The following FGF13 variants were observed in gnomAD, a reference collection of about 807,000 sequenced individuals.
The protein encoded by FGF13 is fibroblast growth factor homologous factor 2.
FGF13 carries 2 observed loss-of-function variants against 19.5 expected under a neutral mutation model. The observed-to-expected ratio is 0.10, with a 90% CI of 0.04 to 0.32. The LOEUF is 0.32. Among genes scored for constraint, FGF13 ranks in the 10% least tolerant of loss-of-function variants. The probability of loss-of-function intolerance (pLI) is 1.00; values close to 1 mark genes in which losing one functional copy is unlikely to be tolerated. For synonymous variants in FGF13, 72 were observed against 76.9 expected (o/e 0.94, Z 0.33); for missense variants, 113 against 192.7 (o/e 0.59, Z 2.45).
chrX:138,740,317 G>A (rs925427254), upstream of FGF13, among the ~76,000 whole-genome samples: 5 of 111,413 alleles, frequency 4.5e-5, no homozygotes, highest in Non-Finnish European at 7.5e-5. Flanking sequence ...CAACACCCAC[G>A]AGGAGCTATA....
intron 3 of FGF13, among the ~76,000 whole-genome samples, chrX:138,836,007 G>A (rs1215008744): frequency 9.0e-6 from 1 of 110,820 alleles, no homozygotes; most frequent in Non-Finnish European, 1.9e-5. Flanking sequence ...GTTGAATATT[G>A]GCCCCCAATG....
intron 1 of FGF13, among the ~76,000 whole-genome samples, chrX:138,718,839 C>T (rs1330215113): frequency 1.8e-5 from 2 of 111,873 alleles, no homozygotes; most frequent in African/African-American, 6.5e-5. Context: ...TTGTTTTTCC[C>T]AAAACTGGGG....
intron 1 of FGF13, among the ~76,000 whole-genome samples, chrX:139,035,590 G>A (rs182561418): frequency 7.2e-5 from 8 of 111,230 alleles, no homozygotes; most frequent in Middle Eastern, 9.3e-3. Flanking sequence ...TTCCTTTCAC[G>A]GGTTCTTCTA....
chrX:139,184,786 A>T (rs1401992359), intron 1 of FGF13, among the ~76,000 whole-genome samples: 1 of 112,506 alleles, frequency 8.9e-6, no homozygotes, highest in Non-Finnish European at 1.9e-5. Flanking sequence ...ATGTTAAATG[A>T]AAAATCTTTA....
At chrX:138,861,934 C>T (rs182684531) in intron 2 of FGF13, among the ~76,000 whole-genome samples, 2 of 111,694 alleles carry the variant, frequency 1.8e-5, no homozygotes, top group East Asian at 2.8e-4. Context: ...ACCCAGGAGG[C>T]GAAGGTTGCA....
chrX:139,062,170 T>C (rs1160215893), intron 1 of FGF13, among the ~76,000 whole-genome samples: 1 of 111,546 alleles, frequency 9.0e-6, no homozygotes, highest in Non-Finnish European at 1.9e-5. Context: ...TCCCCCATGT[T>C]TTCCTCTAGT....
rs73634010 is a variant in FGF13 at position 139,192,436 on chromosome X, T to A, written c.-113+10980A>T. ...CACCTGCTTACAAGTCAGATTACCATCTCTTTTCCTAAAATTCTAATTCAG... is the reference window on the plus strand; with the variant it reads ...CACCTGCTTACAAGTCAGATTACCAACTCTTTTCCTAAAATTCTAATTCAG... On this transcript the variant is annotated intron_variant, in intron 1 of 2. Coordinates refer to the FGF13 transcript ENST00000421460. Among the ~76,000 whole-genome samples, 352 of 111,817 alleles carry A rather than the reference T, an allele frequency of 3.1e-3. 1 individual carries two copies. Among genetic ancestry groups the A allele is most frequent in the Non-Finnish European group, 5.0e-3 (265 of 53,171 alleles).
intron 1 of FGF13, among the ~76,000 whole-genome samples, chrX:138,921,595 A>T (rs2091645439): frequency 9.0e-6 from 1 of 111,034 alleles, no homozygotes; most frequent in African/African-American, 3.3e-5. Context: ...TAAAGAGCCC[A>T]TGAAACTATG....
At chrX:138,814,819 A>T (rs763049473) in intron 3 of FGF13, among the ~76,000 whole-genome samples, 1 of 111,015 alleles carries the variant, frequency 9.0e-6, no homozygotes, top group Admixed American at 9.6e-5. Context: ...CTATCATATG[A>T]TCCAGTAATT....
At chrX:139,129,210 TATA>T (rs748273926) in intron 1 of FGF13, among the ~76,000 whole-genome samples, 216 of 108,029 alleles carry the variant, frequency 2.0e-3, no homozygotes, top group African/African-American at 6.5e-3. Context: ...ATGTAATTAA[TATA>T]ATATGTAATA....
intron 1 of FGF13, among the ~76,000 whole-genome samples, chrX:139,118,729 C>G (rs934745054): frequency 2.3e-4 from 26 of 111,641 alleles, no homozygotes; most frequent in African/African-American, 7.5e-4. Context: ...TCCCTGAGAG[C>G]TTTTCACCTT....
At chrX:138,741,605 G>A (rs937090970), upstream of FGF13, among the ~76,000 whole-genome samples, 5 of 111,003 alleles carry the variant, frequency 4.5e-5, no homozygotes, top group Non-Finnish European at 9.4e-5. Context: ...TATTCTCCTC[G>A]TCATCAGAGT....
intron 1 of FGF13, among the ~76,000 whole-genome samples, chrX:139,086,469 C>T (rs1004275233): frequency 3.6e-5 from 4 of 112,093 alleles, no homozygotes; most frequent in Non-Finnish European, 7.5e-5. Context: ...ACATTGTTAA[C>T]GTATTAAATA....
rs1260986086 is a variant in FGF13, at chrX:138,623,714, T to C, written c.*9136A>G. The C allele has an allele frequency of 9.0e-6, 1 of 110,978 alleles. No homozygotes were observed. The highest frequency in any genetic ancestry group is 3.3e-5 in the African/African-American group (1 of 30,440). The allele number at this position is 110,978 out of a possible 1,213,427, so 9.1% of individuals were successfully genotyped here. On this transcript the variant is annotated 3_prime_UTR_variant, in exon 5 of 5. Transcript: ENST00000315930. ...ATCCCTTTAACTCGGGAGGCAGAGG[T>C]TGTGGTGAGCCAAGATCACACCACT...
In FGF13 at chrX:139,064,281, CTTTTTTTTTTTTTTTT is replaced by C. The variant is rs139084376; in HGVS notation, c.-113+139119_-113+139134del. 6.5e-4 allele frequency among the ~76,000 whole-genome samples: 15 copies of C among 23,157 alleles called. 2 individuals are homozygous for C. In the South Asian group the frequency reaches 0.049, roughly 75 times the overall value. 20.1% of individuals were successfully genotyped at this position (23,157 alleles called of 115,157 possible). A position where few individuals can be genotyped will look rare whatever the true frequency, so the allele number is the denominator to read the frequency against. ...GCATAGAGCAGAGTTCTTTTTTTTT[CTTTTTTTTTTTTTTTT>C]TTTTTTTTTTTTTTTTGAGACGGAG... On this transcript the variant is annotated intron_variant, in intron 1 of 2. Transcript: ENST00000421460.
intron 1 of FGF13, among the ~76,000 whole-genome samples, chrX:138,929,146 T>C (rs2091688113): frequency 9.0e-6 from 1 of 111,584 alleles, no homozygotes; most frequent in Non-Finnish European, 1.9e-5. Context: ...GGAATTCAAG[T>C]CAATCTCTGT....
chrX:139,034,024 G>A (rs1005301780), intron 1 of FGF13, among the ~76,000 whole-genome samples: 4 of 111,544 alleles, frequency 3.6e-5, no homozygotes, highest in Non-Finnish European at 7.5e-5. Flanking sequence ...TGATTATGGC[G>A]TCCTTCTCTA....
intron 3 of FGF13, among the ~76,000 whole-genome samples, chrX:138,682,324 A>G (rs1293258538): frequency 8.9e-6 from 1 of 112,543 alleles, no homozygotes; most frequent in Non-Finnish European, 1.9e-5. Context: ...TGTCTAGGAA[A>G]TATTTACAGT....
chrX:139,117,719 T>C (rs2083649119), intron 1 of FGF13, among the ~76,000 whole-genome samples: 1 of 111,304 alleles, frequency 9.0e-6, no homozygotes, highest in African/African-American at 3.3e-5. Context: ...GAGGAGATCA[T>C]CCACCTCACC....
Sources: allele counts gnomAD v4.1 joint callset (sites outside exome capture counted in the v4.1 genomes callset), GRCh38; gene constraint gnomAD v4.1.1; transcripts MANE v1.5; gene names NCBI Gene and HGNC (gene_info 2026-07-23, HGNC 2026-07-21).